Variants in RHOT1 observed in about 807,000 individuals in gnomAD.
RHOT1 encodes the protein mitochondrial Rho GTPase 1.
RHOT1 carries 27 observed loss-of-function variants against 95.3 expected under a neutral mutation model. The observed-to-expected ratio is 0.28, with a 90% CI of 0.21 to 0.39. The LOEUF (loss-of-function observed/expected upper bound fraction) is 0.39. Among genes scored for constraint, RHOT1 ranks in the 10% least tolerant of loss-of-function variants. RHOT1 has a pLI of 1.00. For missense variants in RHOT1, 578 were observed against 786.7 expected (o/e 0.73, Z 3.17); for synonymous variants, 227 against 263.5 (o/e 0.86, Z 1.34).
Position 32,201,070 on chromosome 17 carries a change from T to C in RHOT1, c.1201+14T>C, listed in dbSNP as rs1196255935. 4.7e-6 allele frequency: 7 copies of C among 1,474,444 alleles called. No individual in the cohort carries two copies. Among genetic ancestry groups the C allele is most frequent in the Non-Finnish European group, 6.6e-6 (7 of 1,068,062 alleles). 91.3% of individuals were successfully genotyped at this position (1,474,444 alleles called of 1,614,324 possible). A position where few individuals can be genotyped will look rare whatever the true frequency, so the allele number is the denominator to read the frequency against. ...CAGCTGTTACAGGTAAGTATCTAGA[T>C]ACTGTTCAGCTCATGATTAGAGATA... On this transcript the variant is annotated intron_variant, in intron 14 of 19. Coordinates refer to ENST00000545287, the MANE Select transcript of RHOT1 (RefSeq NM_001033566.3).
At chr17:32,149,601 A>G (rs1466123648) in intron 1 of RHOT1, among the ~76,000 whole-genome samples, 30 of 64,462 alleles carry the variant, frequency 4.7e-4, no homozygotes, top group African/African-American at 3.2e-3. Context: ...CTATATATAT[A>G]TATATATATA....
In RHOT1 at chr17:32,150,826, A is replaced by G. The variant is rs12940465; in HGVS notation, c.37+8097A>G. 320 of 1,531,380 alleles carry G rather than the reference A, an allele frequency of 2.1e-4. 1 individual carries two copies. In the African/African-American group the frequency reaches 4.0e-3, roughly 19 times the overall value. 94.9% of individuals were successfully genotyped at this position (1,531,380 alleles called of 1,614,324 possible). ...GTTCCATGCCCAATTGGAAGGGTCT[A>G]AGAGCTGAGGTGGAAGGGAGCTGTA... On this transcript the variant is annotated intron_variant, in intron 1 of 19. Coordinates refer to ENST00000545287, the MANE Select transcript of RHOT1 (RefSeq NM_001033566.3).
Position 32,199,012 on chromosome 17 carries a change from C to T in RHOT1, c.935C>T (p.Thr312Ile), listed in dbSNP as rs1273465176. The change falls in exon 12 of 20, where the codon ACC (threonine) becomes ATC (isoleucine). Residue 312 changes from threonine (T) to isoleucine (I), a missense_variant. Around this residue, in one of 4 missense-constraint regions of RHOT1, gnomAD observed 227 missense variants for 316.0 expected, o/e 0.72. Transcript: ENST00000545287. ...NHHAYLFLQS[T>I]FDKHDLDRDC... ...CATGCATATTTATTTCTCCAAAGCA[C>T]CTTTGACAAGCATGATTTGGTAAGC... 1.9e-6 allele frequency: 3 copies of T among 1,608,760 alleles called. No homozygotes were observed. The highest frequency in any genetic ancestry group is 4.5e-5 in the East Asian group (2 of 44,756).
intron 1 of RHOT1, among the ~76,000 whole-genome samples, chr17:32,153,138 G>T (rs953634309): frequency 6.6e-6 from 1 of 151,644 alleles, no homozygotes; most frequent in Non-Finnish European, 1.5e-5. Flanking sequence ...TAAAAGGTAG[G>T]TTTTTTTTTC....
At chr17:32,164,124 A>G (rs924869105) in intron 1 of RHOT1, among the ~76,000 whole-genome samples, 1 of 152,202 alleles carries the variant, frequency 6.6e-6, no homozygotes, top group Admixed American at 6.5e-5. Context: ...CACTGCGCGA[A>G]AAGAATAGTG....
chr17:32,142,794 C>T (rs1402115280), intron 1 of RHOT1, 65 bp downstream of exon 1: 4 of 1,330,150 alleles, frequency 3.0e-6, no homozygotes, highest in East Asian at 5.0e-5. Flanking sequence ...GCCCCTGTCG[C>T]CCCTGTCGCC....
At position 32,142,971 on chromosome 17, in the gene RHOT1, C is replaced by T. The variant is rs1004525538; in HGVS notation, c.37+242C>T. The T allele has an allele frequency of 3.1e-5, 22 of 714,256 alleles. No individual in the cohort carries two copies. The African/African-American group carries it at 3.3e-4, about 11-fold the overall frequency. 44.2% of individuals were successfully genotyped at this position (714,256 alleles called of 1,614,324 possible). On this transcript the variant is annotated intron_variant, in intron 1 of 19. Transcript: ENST00000545287. ...TGGGCCCTCCAGAGATCTCCTTTCC[C>T]TGTTCCCCAGCCGTCCTCCCAAGCC...
intron 18 of RHOT1, among the ~76,000 whole-genome samples, chr17:32,210,619 C>T (rs573583656): frequency 6.6e-6 from 1 of 152,262 alleles, no homozygotes; most frequent in Non-Finnish European, 1.5e-5. Flanking sequence ...GGGTTGAATA[C>T]ACTTGTCTTT....
At chr17:32,194,799 G>A (rs1249396637) in intron 11 of RHOT1, among the ~76,000 whole-genome samples, 3 of 150,786 alleles carry the variant, frequency 2.0e-5, no homozygotes, top group Non-Finnish European at 3.0e-5. Flanking sequence ...TTTCCTAAAC[G>A]ACTGGTCTAT....
At chr17:32,149,623 A>ATG (rs1304218827) in intron 1 of RHOT1, among the ~76,000 whole-genome samples, 10 of 86,212 alleles carry the variant, frequency 1.2e-4, no homozygotes, top group East Asian at 6.7e-4. Flanking sequence ...ATATATATAT[A>ATG]TATATATATA....
At chr17:32,185,605 A>C (rs1029010146) in intron 8 of RHOT1, among the ~76,000 whole-genome samples, 2 of 149,918 alleles carry the variant, frequency 1.3e-5, no homozygotes, top group African/African-American at 4.9e-5. Context: ...ATGGGGTTTC[A>C]CCATGTTGCC....
chr17:32,184,347 T>C (rs558583347), intron 8 of RHOT1, among the ~76,000 whole-genome samples: 1 of 152,324 alleles, frequency 6.6e-6, no homozygotes, highest in Non-Finnish European at 1.5e-5. Flanking sequence ...TGTGACCTTT[T>C]GTTTCTGGCT....
At chr17:32,184,694 C>T (rs980517859) in intron 8 of RHOT1, among the ~76,000 whole-genome samples, 2 of 151,874 alleles carry the variant, frequency 1.3e-5, no homozygotes, top group Admixed American at 6.6e-5. Flanking sequence ...GACAGGGTTT[C>T]GCCATGTTGC....
At chr17:32,146,566 C>G (rs1216253776) in intron 1 of RHOT1, among the ~76,000 whole-genome samples, 2 of 148,778 alleles carry the variant, frequency 1.3e-5, no homozygotes, top group African/African-American at 5.0e-5. Context: ...CTGCCTCAGT[C>G]TCCCGAGTAG....
At chr17:32,170,522 C>T (rs1001605104) in intron 1 of RHOT1, among the ~76,000 whole-genome samples, 3 of 152,128 alleles carry the variant, frequency 2.0e-5, no homozygotes, top group African/African-American at 4.8e-5. Context: ...TGTAAGTATA[C>T]AATTCAGCAG....
At chr17:32,203,767 A>T in intron 15 of RHOT1, 123 bp from the exon 16 acceptor site, 1 of 683,430 alleles carries the variant, frequency 1.5e-6, no homozygotes, top group Non-Finnish European at 2.6e-6. Flanking sequence ...ACTGATAAAT[A>T]GTACACAGTG....
intron 8 of RHOT1, among the ~76,000 whole-genome samples, chr17:32,189,512 G>A (rs73979003): frequency 0.047 from 7,168 of 151,906 alleles, 577 homozygotes; most frequent in African/African-American, 0.16. Context: ...CTTTGTTCTC[G>A]GGCCTGTTAT....
chr17:32,185,573 A>C (rs1437068544), intron 8 of RHOT1, among the ~76,000 whole-genome samples: 1 of 151,452 alleles, frequency 6.6e-6, no homozygotes, highest in African/African-American at 2.4e-5. Flanking sequence ...TACCCAGCTA[A>C]TTTTTGTATT....
intron 8 of RHOT1, among the ~76,000 whole-genome samples, chr17:32,189,172 A>C (rs1395949584): frequency 6.6e-6 from 1 of 152,070 alleles, no homozygotes; most frequent in Non-Finnish European, 1.5e-5. Context: ...GGTGGCGGGC[A>C]CCTGTAGCCC....
Sources: gnomAD v4.1 joint callset for allele counts (sites outside exome capture counted in the v4.1 genomes callset) on GRCh38, gnomAD v4.1.1 for gene constraint, gnomAD v4.1.1 regional missense constraint, MANE v1.5 for transcripts, NCBI Gene and HGNC (gene_info 2026-07-23, HGNC 2026-07-21) for gene names.